Variants in GRM5 observed in about 807,000 individuals in gnomAD.
The protein encoded by GRM5 is glutamate metabotropic receptor 5.
GRM5 carries 19 observed loss-of-function variants against 83.1 expected under a neutral mutation model. The ratio of observed to expected loss-of-function variants is 0.23; its 90% CI spans 0.16 to 0.34. The LOEUF is 0.34. Among genes scored for constraint, GRM5 ranks in the 10% least tolerant of loss-of-function variants. GRM5 has a pLI of 1.00. For synonymous variants in GRM5, 675 were observed against 633.6 expected (o/e 1.07, Z -0.98); for missense variants, 1,160 against 1,588.3 (o/e 0.73, Z 4.58).
At chr11:89,028,848 T>C (rs919790771) in intron 2 of GRM5, among the ~76,000 whole-genome samples, 22 of 152,166 alleles carry the variant, frequency 1.4e-4, no homozygotes, top group African/African-American at 3.1e-4. Context: ...GTTTGTTACA[T>C]AGGTATACAC....
intron 3 of GRM5, among the ~76,000 whole-genome samples, chr11:88,782,465 C>A (rs1328473401): frequency 6.6e-6 from 1 of 152,122 alleles, no homozygotes; most frequent in Non-Finnish European, 1.5e-5. Flanking sequence ...AAAAGCATAG[C>A]AAAGACCTGC....
rs531178855 is a variant in GRM5, at chr11:89,025,450, C to G, written c.661+21762G>C. ...ATAAGGAGAGTAGAGTCAATATACTCTACACTCTTTAATTATAAAGGAGCA... is the reference window on the plus strand; with the variant it reads ...ATAAGGAGAGTAGAGTCAATATACTGTACACTCTTTAATTATAAAGGAGCA... On this transcript the variant is annotated intron_variant, in intron 2 of 9. Transcript: ENST00000305447. 2.0e-5 allele frequency among the ~76,000 whole-genome samples: 3 copies of G among 152,212 alleles called. No homozygotes were observed. In the East Asian group the frequency reaches 5.8e-4, roughly 29 times the overall value.
intron 2 of GRM5, among the ~76,000 whole-genome samples, chr11:89,023,866 TAAATAAATAAA>T (rs1941056573): frequency 1.7e-5 from 1 of 58,946 alleles, no homozygotes; most frequent in African/African-American, 4.8e-5. Context: ...AATAAATAAA[TAAATAAATAAA>T]TAAATAAATA....
chr11:88,929,412 A>G (rs1937636137), intron 2 of GRM5, among the ~76,000 whole-genome samples: 1 of 152,110 alleles, frequency 6.6e-6, no homozygotes. Flanking sequence ...AATACATTTA[A>G]TATGTTTAAT....
intron 2 of GRM5, among the ~76,000 whole-genome samples, chr11:88,995,628 A>G (rs1038519090): frequency 4.0e-5 from 6 of 151,752 alleles, no homozygotes; most frequent in African/African-American, 1.2e-4. Flanking sequence ...GTTGTAGAAT[A>G]TATTCTTGGG....
chr11:89,043,631 G>C (rs1941581479), intron 2 of GRM5, among the ~76,000 whole-genome samples: 1 of 151,424 alleles, frequency 6.6e-6, no homozygotes, highest in African/African-American at 2.4e-5. Flanking sequence ...GAGAAGGGAA[G>C]TTAGAGACTA....
intron 3 of GRM5, among the ~76,000 whole-genome samples, chr11:88,823,251 TATTATTTATAATTAC>T (rs911561933): frequency 5.3e-5 from 8 of 150,978 alleles, no homozygotes; most frequent in African/African-American, 1.7e-4. Context: ...ATAATGTAAA[TATTATTTATAATTAC>T]ATTATTTATA....
chr11:88,805,811 T>C (rs761277631), intron 3 of GRM5, among the ~76,000 whole-genome samples: 16 of 152,240 alleles, frequency 1.1e-4, no homozygotes, highest in Non-Finnish European at 2.1e-4. Flanking sequence ...TGAATAAATA[T>C]ATCTCTCTGA....
chr11:88,712,085 G>A (rs191654225), intron 3 of GRM5, among the ~76,000 whole-genome samples: 1 of 152,158 alleles, frequency 6.6e-6, no homozygotes, highest in African/African-American at 2.4e-5. Context: ...AATTACTGGA[G>A]GACAGAGGAG....
At chr11:88,622,235 G>A (rs1403389497) in intron 4 of GRM5, among the ~76,000 whole-genome samples, 1 of 152,170 alleles carries the variant, frequency 6.6e-6, no homozygotes, top group African/African-American at 2.4e-5. Context: ...ATGACCTCAT[G>A]TAGCCCTCAC....
chr11:89,057,072 C>G (rs1438932509), intron 1 of GRM5, among the ~76,000 whole-genome samples: 1 of 152,140 alleles, frequency 6.6e-6, no homozygotes, highest in Non-Finnish European at 1.5e-5. Context: ...CAACAATCTT[C>G]TAAAATACTG....
At chr11:89,064,950 G>C (rs532079637) in intron 1 of GRM5, among the ~76,000 whole-genome samples, 1 of 121,700 alleles carries the variant, frequency 8.2e-6, no homozygotes, top group Non-Finnish European at 1.8e-5. Context: ...GGGAGAGAGA[G>C]ATATTATTTT....
intron 3 of GRM5, among the ~76,000 whole-genome samples, chr11:88,840,140 G>A (rs1013516969): frequency 6.6e-6 from 1 of 152,088 alleles, no homozygotes; most frequent in Non-Finnish European, 1.5e-5. Context: ...TTAAGGAAAT[G>A]CATTTTTGCC....
chr11:88,636,283 G>T (rs1027540945), intron 4 of GRM5, among the ~76,000 whole-genome samples: 2 of 152,170 alleles, frequency 1.3e-5, no homozygotes, highest in South Asian at 2.1e-4. Context: ...AGGCCAAGGT[G>T]GGTGGATCAC....
intron 2 of GRM5, among the ~76,000 whole-genome samples, chr11:88,979,735 G>C (rs1939463458): frequency 6.6e-6 from 1 of 152,112 alleles, no homozygotes; most frequent in East Asian, 1.9e-4. Context: ...TGGCTCTCCT[G>C]TGCTGCAGTA....
intron 2 of GRM5, among the ~76,000 whole-genome samples, chr11:89,034,052 T>A (rs1565344419): frequency 1.3e-5 from 2 of 151,218 alleles, no homozygotes; most frequent in Non-Finnish European, 3.0e-5. Context: ...ATAATTATTA[T>A]GAGGTCGAAT....
rs574170266 is a variant in GRM5, at chr11:89,038,306, T to C, written c.661+8906A>G. 2.9e-3 allele frequency among the ~76,000 whole-genome samples: 439 copies of C among 152,320 alleles called. 1 individual carries two copies. Among genetic ancestry groups the C allele is most frequent in the African/African-American group, 1.0e-2 (414 of 41,566 alleles). ...ATTCAACATTTGAATGTTTGATAAA[T>C]CTTTCTGGAGTATTTGCAAATGTGC... On this transcript the variant is annotated intron_variant, in intron 2 of 9. Coordinates refer to ENST00000305447, the MANE Select transcript of GRM5 (RefSeq NM_001143831.3).
chr11:88,903,262 A>G (rs71469222), intron 2 of GRM5, among the ~76,000 whole-genome samples: 2,300 of 152,182 alleles, frequency 0.015, 27 homozygotes, highest in Middle Eastern at 0.054. Flanking sequence ...AAGAGGGAGA[A>G]TGTTAGGAGA....
chr11:88,897,831 TA>T (rs1945253412), intron 2 of GRM5, among the ~76,000 whole-genome samples: 1 of 151,992 alleles, frequency 6.6e-6, no homozygotes, highest in Non-Finnish European at 1.5e-5. Context: ...AATTCATCCT[TA>T]AAAGGTTTTG....
Sources: allele counts gnomAD v4.1 joint callset (sites outside exome capture counted in the v4.1 genomes callset), GRCh38; gene constraint gnomAD v4.1.1; transcripts MANE v1.5; gene names NCBI Gene and HGNC (gene_info 2026-07-23, HGNC 2026-07-21).